GRID2: variants seen among roughly 807,000 people sequenced by gnomAD.
GRID2 encodes glutamate ionotropic receptor delta type subunit 2.
Under a neutral mutation model 114.8 loss-of-function variants are expected in GRID2, and 33 were observed. The observed-to-expected ratio is 0.29, with a 90% CI of 0.22 to 0.38. The LOEUF (loss-of-function observed/expected upper bound fraction) is 0.38, where lower values mean the gene tolerates loss of function less well. Ranked by LOEUF, GRID2 falls within the 10% of genes least tolerant of loss-of-function variation. The pLI is 1.00. For missense variants in GRID2, 1,184 were observed against 1,257.7 expected (o/e 0.94, Z 0.89); for synonymous variants, 505 against 449.9 (o/e 1.12, Z -1.55).
intron 1 of GRID2, among the ~76,000 whole-genome samples, chr4:93,800,881 A>G (rs1198815942): frequency 1.3e-5 from 2 of 152,188 alleles, no homozygotes; most frequent in African/African-American, 4.8e-5. Context: ...GCTTATTTGC[A>G]CCTAGGCATA....
intron 2 of GRID2, among the ~76,000 whole-genome samples, chr4:92,688,027 CCTT>C (rs1469222629): frequency 5.1e-4 from 59 of 115,088 alleles, no homozygotes; most frequent in African/African-American, 1.7e-3. Context: ...ATTGGTTGAC[CCTT>C]CTTCTTCTTT....
chr4:93,238,380 A>T lies in GRID2; in HGVS notation c.1135A>T (p.Ser379Cys). ...MLETIKKGGVSGLTGELEFGE... is the reference protein window; with the variant it reads ...MLETIKKGGVCGLTGELEFGE... ...CTGTTCTCTCCTTTAGGGTGGAGTT[A>T]GTGGGTTGACTGGAGAGCTAGAATT... The change falls in exon 8 of 16, where the codon AGT becomes TGT. Residue 379 changes from serine (S) to cysteine (C), a missense_variant. Physicochemically the swap from Ser to Cys is moderately radical, Grantham distance 112 (BLOSUM62 -1). Around this residue, in one of 3 missense-constraint regions of GRID2, gnomAD observed 717 missense variants for 796.9 expected, o/e 0.90. Coordinates refer to ENST00000282020, the MANE Select transcript of GRID2 (RefSeq NM_001510.4). 1 of 1,603,952 alleles carries T rather than the reference A, an allele frequency of 6.2e-7. No homozygotes were observed. Among genetic ancestry groups the T allele is most frequent in the Non-Finnish European group, 8.5e-7 (1 of 1,171,650 alleles).
At chr4:93,177,078 T>G (rs1295002898) in intron 4 of GRID2, among the ~76,000 whole-genome samples, 5 of 152,194 alleles carry the variant, frequency 3.3e-5, no homozygotes, top group Non-Finnish European at 7.4e-5. Context: ...TTTAGGTTAC[T>G]ACCTTTAATA....
intron 2 of GRID2, among the ~76,000 whole-genome samples, chr4:92,863,049 A>G (rs1374121838): frequency 1.3e-5 from 2 of 152,080 alleles, no homozygotes; most frequent in African/African-American, 2.4e-5. Context: ...ATAACTTTCT[A>G]AGTCTTTGAG....
chr4:93,176,583 T>C (rs1739363035), intron 4 of GRID2, among the ~76,000 whole-genome samples: 1 of 152,214 alleles, frequency 6.6e-6, no homozygotes, highest in African/African-American at 2.4e-5. Flanking sequence ...AAATTTCTAA[T>C]GCACTTAGGA....
chr4:93,020,705 A>G (rs186864982), intron 2 of GRID2, among the ~76,000 whole-genome samples: 1 of 152,258 alleles, frequency 6.6e-6, no homozygotes, highest in Admixed American at 6.5e-5. Context: ...TTTATTACCC[A>G]ATGTCTATAT....
intron 2 of GRID2, among the ~76,000 whole-genome samples, chr4:92,594,408 A>G (rs1386704726): frequency 6.6e-6 from 1 of 151,932 alleles, no homozygotes; most frequent in African/African-American, 2.4e-5. Context: ...AGGAATCTGA[A>G]TATAATGTAT....
chr4:93,412,670 T>C (rs1223879283), intron 9 of GRID2, among the ~76,000 whole-genome samples: 1 of 152,160 alleles, frequency 6.6e-6, no homozygotes, highest in South Asian at 2.1e-4. Context: ...CATGTTAGTT[T>C]GCTGCACCTA....
chr4:93,216,809 A>G lies in GRID2; in HGVS notation c.861A>G (p.Thr287=), dbSNP rs934395014. The change falls in exon 6 of 16, where the codon ACA becomes ACG. Residue 287 remains threonine (T), a synonymous_variant. Coordinates refer to ENST00000282020, the MANE Select transcript of GRID2 (RefSeq NM_001510.4). ...GAAGGTTAACGATTATTCGGCAGAC[A>G]TTTCCAGTTCCCCAGAACATAAGTC... The part of the protein sequence containing the change: ...SIGRLTIIRQ[T]FPVPQNISQR... 1 of 1,612,474 alleles carries G rather than the reference A, an allele frequency of 6.2e-7. No homozygotes were observed. Among genetic ancestry groups the G allele is most frequent in the Non-Finnish European group, 8.5e-7 (1 of 1,178,682 alleles).
At chr4:92,703,532 T>C (rs528931729) in intron 2 of GRID2, among the ~76,000 whole-genome samples, 1 of 151,488 alleles carries the variant, frequency 6.6e-6, no homozygotes, top group Non-Finnish European at 1.5e-5. Context: ...CTCTTTAAAA[T>C]AGCACTTCTG....
chr4:93,665,054 T>G (rs1405326178), intron 14 of GRID2, among the ~76,000 whole-genome samples: 1 of 152,204 alleles, frequency 6.6e-6, no homozygotes, highest in Non-Finnish European at 1.5e-5. Flanking sequence ...AAATGAATTC[T>G]AATTAAACAC....
At chr4:92,317,936 A>G (rs1269667985) in intron 1 of GRID2, among the ~76,000 whole-genome samples, 1 of 152,212 alleles carries the variant, frequency 6.6e-6, no homozygotes, top group African/African-American at 2.4e-5. Flanking sequence ...TTTAAAAATA[A>G]AATGCAATAT....
At chr4:93,608,142 G>A (rs762576842) in intron 13 of GRID2, among the ~76,000 whole-genome samples, 17 of 148,982 alleles carry the variant, frequency 1.1e-4, no homozygotes, top group Non-Finnish European at 1.9e-4. Context: ...ATACGTCTAT[G>A]TGTATACATA....
At chr4:92,354,327 A>G (rs1411771510) in intron 1 of GRID2, among the ~76,000 whole-genome samples, 1 of 151,910 alleles carries the variant, frequency 6.6e-6, no homozygotes, top group Non-Finnish European at 1.5e-5. Flanking sequence ...TAGAGTTCTG[A>G]CAAATTTGGT....
intron 1 of GRID2, among the ~76,000 whole-genome samples, chr4:92,360,747 A>G (rs907778526): frequency 6.6e-6 from 1 of 151,932 alleles, no homozygotes; most frequent in African/African-American, 2.4e-5. Context: ...ATGGAAGACC[A>G]TATTGAGTCT....
chr4:92,668,309 A>G (rs1732886440), intron 2 of GRID2, among the ~76,000 whole-genome samples: 1 of 151,742 alleles, frequency 6.6e-6, no homozygotes, highest in African/African-American at 2.4e-5. Flanking sequence ...TTTTCCTATA[A>G]TCATAGTTTT....
At chr4:92,689,456 A>T (rs545290044) in intron 2 of GRID2, among the ~76,000 whole-genome samples, 1 of 152,246 alleles carries the variant, frequency 6.6e-6, no homozygotes, top group South Asian at 2.1e-4. Context: ...CCAGTTAGGA[A>T]CTCGACCACA....
intron 2 of GRID2, among the ~76,000 whole-genome samples, chr4:92,693,242 TG>T (rs2149294722): frequency 6.6e-6 from 1 of 152,286 alleles, no homozygotes; most frequent in East Asian, 1.9e-4. Flanking sequence ...TGACCTTTCC[TG>T]ATTTATATTT....
chr4:93,703,310 G>A lies in GRID2; in HGVS notation c.2361-65900G>A, dbSNP rs2110144808. 1.3e-5 allele frequency among the ~76,000 whole-genome samples: 2 copies of A among 152,190 alleles called. 1 individual carries two copies. Among genetic ancestry groups the A allele is most frequent in the South Asian group, 4.2e-4 (2 of 4,816 alleles). On this transcript the variant is annotated intron_variant, in intron 14 of 15. Coordinates refer to ENST00000282020, the MANE Select transcript of GRID2 (RefSeq NM_001510.4). ...AGTATATTTATAAGGTACGTGAGAT[G>A]TTTTGTTACAGGCATCCAAAGTGTA... is the stretch of plus-strand genomic sequence containing the variant.
Sources: allele counts gnomAD v4.1 joint callset (sites outside exome capture counted in the v4.1 genomes callset), GRCh38; gene constraint gnomAD v4.1.1; regional missense constraint gnomAD v4.1.1; transcripts MANE v1.5; gene names NCBI Gene and HGNC (gene_info 2026-07-23, HGNC 2026-07-21).